Variants in FRMD4A observed in about 807,000 individuals in gnomAD.
FRMD4A encodes the protein FERM domain-containing protein 4A.
A neutral mutation model predicts 129.1 loss-of-function variants in FRMD4A; 29 were observed. The observed-to-expected ratio is 0.22, with a 90% CI of 0.17 to 0.31. The LOEUF (loss-of-function observed/expected upper bound fraction) is 0.31, where lower values mean the gene tolerates loss of function less well. Ranked by LOEUF, FRMD4A falls within the 10% of genes least tolerant of loss-of-function variation. The probability of loss-of-function intolerance (pLI) is 1.00; values close to 1 mark genes in which losing one functional copy is unlikely to be tolerated. For synonymous variants in FRMD4A, 634 were observed against 571.6 expected (o/e 1.11, Z -1.56); for missense variants, 1,272 against 1,375.8 (o/e 0.92, Z 1.19).
intron 2 of FRMD4A, among the ~76,000 whole-genome samples, chr10:14,230,616 T>C (rs771662844): frequency 1.3e-5 from 2 of 152,196 alleles, no homozygotes; most frequent in African/African-American, 2.4e-5. Context: ...AAATTTTTTA[T>C]TGTGATTTTT....
chr10:13,781,508 C>T (rs1459388823), intron 6 of FRMD4A, among the ~76,000 whole-genome samples: 1 of 150,196 alleles, frequency 6.7e-6, no homozygotes, highest in Admixed American at 6.7e-5. Flanking sequence ...CTCCCAAATA[C>T]CTAGAATCAC....
At chr10:13,814,386 C>T (rs1214327224) in intron 3 of FRMD4A, among the ~76,000 whole-genome samples, 4 of 151,256 alleles carry the variant, frequency 2.6e-5, no homozygotes, top group Admixed American at 6.6e-5. Context: ...AGCCCAGAGG[C>T]GATATAGCAA....
At chr10:13,939,377 G>C (rs554519004) in intron 2 of FRMD4A, among the ~76,000 whole-genome samples, 6 of 152,112 alleles carry the variant, frequency 3.9e-5, no homozygotes, top group Non-Finnish European at 8.8e-5. Flanking sequence ...TGCATTATTT[G>C]GGAATTCTAA....
chr10:13,958,208 A>G (rs150766793), intron 2 of FRMD4A, among the ~76,000 whole-genome samples: 53 of 151,248 alleles, frequency 3.5e-4, no homozygotes, highest in Non-Finnish European at 6.0e-4. Context: ...CAGCACACCA[A>G]CTGGCTTCTA....
intron 2 of FRMD4A, among the ~76,000 whole-genome samples, chr10:13,966,897 A>G (rs900481036): frequency 1.3e-5 from 2 of 152,264 alleles, no homozygotes; most frequent in Non-Finnish European, 2.9e-5. Context: ...CTTAGCCATA[A>G]AAAGGAATGA....
intron 2 of FRMD4A, among the ~76,000 whole-genome samples, chr10:14,174,929 G>A (rs11258914): frequency 0.013 from 1,940 of 150,352 alleles, 36 homozygotes; most frequent in East Asian, 0.073. Context: ...GGACGCGCGC[G>A]TACGGGCACA....
chr10:14,065,587 A>T (rs550814017), intron 2 of FRMD4A, among the ~76,000 whole-genome samples: 1 of 152,172 alleles, frequency 6.6e-6, no homozygotes, highest in Non-Finnish European at 1.5e-5. Context: ...TAAGACCCAG[A>T]AATCACTCAC....
At chr10:14,005,658 G>T (rs907809106) in intron 2 of FRMD4A, among the ~76,000 whole-genome samples, 11 of 152,074 alleles carry the variant, frequency 7.2e-5, no homozygotes, top group African/African-American at 2.2e-4. Flanking sequence ...TTTTCTCAGG[G>T]CCAGGCTGCC....
intron 2 of FRMD4A, among the ~76,000 whole-genome samples, chr10:14,308,049 T>C (rs1449103587): frequency 6.6e-6 from 1 of 152,212 alleles, no homozygotes. Context: ...AATTGACAAC[T>C]ACAATAAAGG....
intron 2 of FRMD4A, among the ~76,000 whole-genome samples, chr10:14,117,182 G>C (rs960142977): frequency 1.3e-5 from 2 of 152,224 alleles, no homozygotes; most frequent in African/African-American, 2.4e-5. Flanking sequence ...GTGTCTTCTT[G>C]GAGGACCCAG....
chr10:14,238,895 G>C (rs1463938700), intron 2 of FRMD4A, among the ~76,000 whole-genome samples: 1 of 152,142 alleles, frequency 6.6e-6, no homozygotes, highest in East Asian at 1.9e-4. Context: ...AGTATTCCAT[G>C]GTGTATATGT....
intron 2 of FRMD4A, among the ~76,000 whole-genome samples, chr10:14,252,806 T>C (rs1844485040): frequency 1.3e-5 from 2 of 152,286 alleles, no homozygotes; most frequent in East Asian, 1.9e-4. Flanking sequence ...TTTGATCCAC[T>C]ATGTTAGAAC....
chr10:13,884,170 A>ACACT (rs1564971125), intron 2 of FRMD4A, among the ~76,000 whole-genome samples: 21 of 61,026 alleles, frequency 3.4e-4, no homozygotes, highest in African/African-American at 9.6e-4. Flanking sequence ...ACACACACTC[A>ACACT]CACACTCACA....
intron 2 of FRMD4A, among the ~76,000 whole-genome samples, chr10:14,267,033 C>T (rs377006176): frequency 2.6e-5 from 4 of 152,096 alleles, no homozygotes; most frequent in African/African-American, 9.7e-5. Flanking sequence ...ACATTTTATT[C>T]GAGAGACTCC....
At chr10:13,667,639 TGGGGATGAATGCGGAATCCCCC>T (rs1026155594) in intron 17 of FRMD4A, 1 of 152,276 alleles carries the variant, frequency 6.6e-6, no homozygotes, top group Non-Finnish European at 1.5e-5. Flanking sequence ...CGTGAGGATT[TGGGGATGAATGCGGAATCCCCC>T]GCAAAGCGTC....
chr10:13,698,671 C>T (rs1015290472), intron 14 of FRMD4A, among the ~76,000 whole-genome samples: 2 of 152,244 alleles, frequency 1.3e-5, no homozygotes, highest in African/African-American at 4.8e-5. Context: ...AACGTGGTGC[C>T]ATCTGACCAA....
At position 13,762,552 on chromosome 10, in the gene FRMD4A, G is replaced by A. The variant is rs1344399445; in HGVS notation, c.441+72C>T. 7.0e-6 allele frequency: 6 copies of A among 859,316 alleles called. No homozygotes were observed. The African/African-American group carries it at 8.4e-5, about 12-fold the overall frequency. 53.2% of individuals were successfully genotyped at this position (859,316 alleles called of 1,614,324 possible). On this transcript the variant is annotated intron_variant, in intron 7 of 24. Transcript: ENST00000357447. ...GTGAGTAGATACAGCTACTGGCTAT[G>A]CCTGGTAAGTCTTACTTCCTTTCTT...
chr10:13,830,221 C>T (rs75977853), intron 3 of FRMD4A, among the ~76,000 whole-genome samples: 2,626 of 152,318 alleles, frequency 0.017, 110 homozygotes, highest in East Asian at 0.14. Flanking sequence ...GGGCAGGGCG[C>T]TGTCCCTCCT....
At chr10:13,862,327 T>C (rs2094305950) in intron 2 of FRMD4A, among the ~76,000 whole-genome samples, 1 of 152,224 alleles carries the variant, frequency 6.6e-6, no homozygotes, top group South Asian at 2.1e-4. Flanking sequence ...AAAGTTTTAA[T>C]CGCAGTAATA....
Sources: allele counts gnomAD v4.1 joint callset (sites outside exome capture counted in the v4.1 genomes callset), GRCh38; gene constraint gnomAD v4.1.1; transcripts MANE v1.5; gene names NCBI Gene and HGNC (gene_info 2026-07-23, HGNC 2026-07-21).